ADGRG6: variants seen among roughly 807,000 people sequenced by gnomAD.
ADGRG6 encodes adhesion G protein-coupled receptor G6, also known as G-protein coupled receptor 126.
Under a neutral mutation model 142.4 loss-of-function variants are expected in ADGRG6, and 84 were observed. That is an observed-to-expected ratio of 0.59 (90% confidence interval 0.49 to 0.71). ADGRG6 has a LOEUF of 0.71. Ranked by LOEUF, ADGRG6 falls within the 30% of genes least tolerant of loss-of-function variation. The probability of loss-of-function intolerance (pLI) is 0.00; values close to 1 mark genes in which losing one functional copy is unlikely to be tolerated. For missense variants in ADGRG6, 1,367 were observed against 1,466.6 expected (o/e 0.93, Z 1.11); for synonymous variants, 521 against 520.5 (o/e 1.00, Z -0.01).
chr6:142,303,433 C>T (rs1456201857), intron 1 of ADGRG6, among the ~76,000 whole-genome samples: 1 of 152,226 alleles, frequency 6.6e-6, no homozygotes, highest in Non-Finnish European at 1.5e-5. Context: ...TGCCCACAAG[C>T]CTAGCACTCT....
intron 2 of ADGRG6, 78 bp downstream of exon 2, chr6:142,309,722 G>A (rs1030723720): frequency 3.4e-6 from 3 of 878,338 alleles, no homozygotes; most frequent in Admixed American, 3.2e-5. Context: ...ACTTATTTAT[G>A]TTGCCTTACT....
intron 22 of ADGRG6, among the ~76,000 whole-genome samples, chr6:142,433,583 A>G (rs1421795387): frequency 6.6e-6 from 1 of 152,190 alleles, no homozygotes; most frequent in Admixed American, 6.5e-5. Context: ...AGTATAGAAG[A>G]AAATCTTTCC....
intron 4 of ADGRG6, among the ~76,000 whole-genome samples, chr6:142,379,746 A>G (rs1407054067): frequency 6.6e-6 from 1 of 152,194 alleles, no homozygotes; most frequent in African/African-American, 2.4e-5. Context: ...CAGCCTGGGC[A>G]ACAGAGCGAG....
chr6:142,345,071 A>G (rs1779826263), intron 2 of ADGRG6, among the ~76,000 whole-genome samples: 1 of 152,034 alleles, frequency 6.6e-6, no homozygotes, highest in Admixed American at 6.6e-5. Context: ...TGGACTGTAA[A>G]ATATTGTTGC....
chr6:142,391,609 A>G (rs2114974680), intron 7 of ADGRG6, among the ~76,000 whole-genome samples: 1 of 151,938 alleles, frequency 6.6e-6, no homozygotes. Context: ...AGTTGGTGAG[A>G]AAGGTGAAAT....
intron 4 of ADGRG6, among the ~76,000 whole-genome samples, chr6:142,374,091 G>A (rs866196062): frequency 6.6e-6 from 1 of 151,968 alleles, no homozygotes; most frequent in Admixed American, 6.6e-5. Flanking sequence ...TACAATGGCT[G>A]TGTTAATTGA....
At chr6:142,373,391 AAAT>A (rs1781345900) in intron 4 of ADGRG6, among the ~76,000 whole-genome samples, 1 of 151,676 alleles carries the variant, frequency 6.6e-6, no homozygotes, top group Non-Finnish European at 1.5e-5. Context: ...TGTTTCAAAC[AAAT>A]AATATTTGTT....
chr6:142,431,111 C>G (rs1668864538), intron 22 of ADGRG6, among the ~76,000 whole-genome samples: 1 of 150,300 alleles, frequency 6.7e-6, no homozygotes, highest in Non-Finnish European at 1.5e-5. Context: ...TTTTTTAAAG[C>G]TAAGCATATA....
intron 24 of ADGRG6, chr6:142,440,758 A>C (rs867883557): frequency 1.1e-5 from 6 of 556,968 alleles, no homozygotes; most frequent in Middle Eastern, 2.6e-4. Context: ...CTGACTTCAC[A>C]TAGGCTTTGG....
In ADGRG6 at chr6:142,416,201, T is replaced by C. The variant is rs145182180; in HGVS notation, c.2938+137T>C. The C allele has an allele frequency of 1.2e-5, 8 of 641,816 alleles. No homozygotes were observed. The East Asian group carries it at 2.2e-4, about 17-fold the overall frequency. The allele number at this position is 641,816 out of a possible 1,614,324, so 39.8% of individuals were successfully genotyped here. ...AATTGTGAATGGCATGGATTAGATA[T>C]ACATAGCCTAAGGAAGGGACATCTT... On this transcript the variant is annotated intron_variant, in intron 20 of 24. Coordinates refer to ENST00000367609, the MANE Select transcript of ADGRG6 (RefSeq NM_198569.3).
intron 3 of ADGRG6, 69 bp downstream of exon 3, chr6:142,367,979 C>G (rs1781036265): frequency 1.2e-6 from 1 of 825,446 alleles, no homozygotes. Flanking sequence ...ACACAAGGAC[C>G]AGAAGACAGA....
chr6:142,391,448 C>CACACA, intron 7 of ADGRG6, among the ~76,000 whole-genome samples: 1 of 150,276 alleles, frequency 6.7e-6, no homozygotes, highest in Non-Finnish European at 1.5e-5. Flanking sequence ...CACACACACA[C>CACACA]ACACACACAC....
chr6:142,423,047 T>G (rs1414063404), intron 22 of ADGRG6, among the ~76,000 whole-genome samples: 2 of 151,330 alleles, frequency 1.3e-5, no homozygotes, highest in Non-Finnish European at 3.0e-5. Flanking sequence ...TTGAGTTCAT[T>G]GTAGATTCTG....
At chr6:142,358,377 TTC>T (rs1780556733) in intron 2 of ADGRG6, among the ~76,000 whole-genome samples, 1 of 152,206 alleles carries the variant, frequency 6.6e-6, no homozygotes. Flanking sequence ...TTTGCTGCTT[TTC>T]TGTCTTATCA....
intron 2 of ADGRG6, among the ~76,000 whole-genome samples, chr6:142,326,894 A>G (rs964933756): frequency 2.1e-4 from 32 of 152,134 alleles, no homozygotes; most frequent in African/African-American, 7.7e-4. Context: ...TTATTTGAAA[A>G]TCTTTTTACT....
At chr6:142,381,460 A>G (rs142403989) in intron 4 of ADGRG6, among the ~76,000 whole-genome samples, 120 of 152,320 alleles carry the variant, frequency 7.9e-4, no homozygotes, top group Non-Finnish European at 1.4e-3. Flanking sequence ...TGAGTTAGTA[A>G]AAGCTTGAAA....
At chr6:142,311,017 A>G (rs1458326408) in intron 2 of ADGRG6, among the ~76,000 whole-genome samples, 1 of 151,890 alleles carries the variant, frequency 6.6e-6, no homozygotes, top group Non-Finnish European at 1.5e-5. Context: ...CGGCACCTCC[A>G]ATTTGGACTT....
chr6:142,440,968 C>CT, intron 24 of ADGRG6: 2 of 1,432,968 alleles, frequency 1.4e-6, no homozygotes, highest in Non-Finnish European at 1.9e-6. Context: ...ACTTTCGTTA[C>CT]TTTTTTGAAT....
intron 2 of ADGRG6, among the ~76,000 whole-genome samples, chr6:142,315,723 C>T (rs1472080200): frequency 2.0e-5 from 3 of 151,724 alleles, no homozygotes; most frequent in East Asian, 3.9e-4. Flanking sequence ...CCCAGCTACT[C>T]GGGAGGCTGA....
Sources: gnomAD v4.1 joint callset for allele counts (sites outside exome capture counted in the v4.1 genomes callset) on GRCh38, gnomAD v4.1.1 for gene constraint, MANE v1.5 for transcripts, NCBI Gene and HGNC (gene_info 2026-07-23, HGNC 2026-07-21) for gene names.